SYT4: variants seen among roughly 807,000 people sequenced by gnomAD.
The protein encoded by SYT4 is synaptotagmin 4.
A neutral mutation model predicts 32.9 loss-of-function variants in SYT4; 7 were observed. The ratio of observed to expected loss-of-function variants is 0.21; its 90% CI spans 0.12 to 0.40. SYT4 has a LOEUF of 0.40. Ranked by LOEUF, SYT4 falls within the 10% of genes least tolerant of loss-of-function variation. The pLI, the probability that SYT4 is intolerant of heterozygous loss-of-function variation, is 1.00. For synonymous variants in SYT4, 205 were observed against 186.2 expected (o/e 1.10, Z -0.82); for missense variants, 480 against 488.0 (o/e 0.98, Z 0.16).
intron 3 of SYT4, 45 bp from the exon 4 acceptor site, chr18:43,270,693 G>C: frequency 6.3e-7 from 1 of 1,593,788 alleles, no homozygotes; most frequent in Non-Finnish European, 8.6e-7. Flanking sequence ...AACTGGGCTG[G>C]AGAGCTGATA....
chr18:43,273,939 T>G lies in SYT4; in HGVS notation c.490A>C (p.Asn164His), dbSNP rs768986710. The change falls in exon 2 of 4, where the codon AAC (asparagine) becomes CAC (histidine). Residue 164 changes from asparagine (N) to histidine (H), a missense_variant. Transcript: ENST00000255224. ...ACCACAAATGCTTTTCTCTCGAAGT[T>G]GTATTCTAAGGAGAAGAAGAGAGTT... ...LGTLFFSLEYNFERKAFVVNI... is the reference protein window; with the variant it reads ...LGTLFFSLEYHFERKAFVVNI... 1 of 1,614,018 alleles carries G rather than the reference T, an allele frequency of 6.2e-7. No homozygotes were observed. Among genetic ancestry groups the G allele is most frequent in the Non-Finnish European group, 8.5e-7 (1 of 1,179,942 alleles).
chr18:43,270,382 T>C lies in SYT4; in HGVS notation c.1237A>G (p.Arg413Gly). ...ACGTGCCACTTGGCAATTTGTCTCC[T>C]GGGGTAGTCACAGATCTCTTTCCAG... ...EHWKEICDYP[R>G]RQIAKWHVLC... is the part of the protein sequence containing the mutation. The change falls in exon 4 of 4, where the codon AGG becomes GGG. Residue 413 changes from arginine (R) to glycine (G), a missense_variant. Transcript: ENST00000255224. 1 of 1,614,126 alleles carries C rather than the reference T, an allele frequency of 6.2e-7. No homozygotes were observed. Among genetic ancestry groups the C allele is most frequent in the South Asian group, 1.1e-5 (1 of 91,082 alleles).
At position 43,269,247 on chromosome 18, in the gene SYT4, T is replaced by C. The variant is rs927655785; in HGVS notation, c.*1094A>G. On this transcript the variant is annotated 3_prime_UTR_variant, in exon 4 of 4. Transcript: ENST00000255224. ...CCTAAGCATATTTTGCGTGAACATA[T>C]GTAAATTATATTAGAATTGCTCTTG... is the stretch of plus-strand genomic sequence containing the variant. 6.6e-6 allele frequency: 1 copy of C among 152,228 alleles called. No individual in the cohort carries two copies. The highest frequency in any genetic ancestry group is 2.4e-5 in the African/African-American group (1 of 41,472). The allele number at this position is 152,228 out of a possible 1,614,324, so 9.4% of individuals were successfully genotyped here. A position where few individuals can be genotyped will look rare whatever the true frequency, so the allele number is the denominator to read the frequency against.
intron 2 of SYT4, 22 bp downstream of exon 2, chr18:43,273,558 T>A (rs1908694885): frequency 6.5e-7 from 1 of 1,530,654 alleles, no homozygotes; most frequent in Non-Finnish European, 8.9e-7. Flanking sequence ...TATAAATACT[T>A]TAAGCACTGA....
rs981686727 is a variant in SYT4, at chr18:43,269,536, A to G, written c.*805T>C. On this transcript the variant is annotated 3_prime_UTR_variant, in exon 4 of 4. Coordinates refer to ENST00000255224, the MANE Select transcript of SYT4 (RefSeq NM_020783.4). ...AGTTTATTTCTTTATTCACTAACTA[A>G]TTCAACAATTTCACAAAGGTACATA... is the stretch of plus-strand genomic sequence containing the variant. 1 of 152,586 alleles carries G rather than the reference A, an allele frequency of 6.6e-6. No individual in the cohort carries two copies. Among genetic ancestry groups the G allele is most frequent in the African/African-American group, 2.4e-5 (1 of 41,444 alleles). 9.5% of individuals were successfully genotyped at this position (152,586 alleles called of 1,614,324 possible).
rs916021343 is a variant in SYT4, at chr18:43,269,151, A to G, written c.*1190T>C. The G allele has an allele frequency of 5.9e-5, 9 of 152,234 alleles. No individual in the cohort carries two copies. The highest frequency in any genetic ancestry group is 2.2e-4 in the African/African-American group (9 of 41,464). 9.4% of individuals were successfully genotyped at this position (152,234 alleles called of 1,614,324 possible). A position where few individuals can be genotyped will look rare whatever the true frequency, so the allele number is the denominator to read the frequency against. The stretch of plus-strand genomic sequence containing the variant: ...GACACAAGTCTGTAAACTGCTCTAT[A>G]GACAACAGCTCAAGACAAATTAGCC... On this transcript the variant is annotated 3_prime_UTR_variant, in exon 4 of 4. Coordinates refer to ENST00000255224, the MANE Select transcript of SYT4 (RefSeq NM_020783.4).
chr18:43,274,295 G>C lies in SYT4; in HGVS notation c.134C>G (p.Ser45Cys), dbSNP rs199938369. 2.5e-6 allele frequency: 4 copies of C among 1,613,718 alleles called. No individual in the cohort carries two copies. The highest frequency in any genetic ancestry group is 3.4e-6 in the Non-Finnish European group (4 of 1,179,906). ...WICCQRKSSK[S>C]NKTPPYKFVH... ...AAACTTGTATGGAGGAGTCTTGTTA[G>C]ACTTGGATGATTTTCTCTGACAGCA... is the stretch of plus-strand genomic sequence containing the variant. The change falls in exon 2 of 4, where the codon TCT (serine) becomes TGT (cysteine). Residue 45 changes from serine (S) to cysteine (C), a missense_variant. By Grantham distance (112) the Ser-to-Cys change is moderately radical. Transcript: ENST00000255224.
Position 43,270,248 on chromosome 18 carries a change from C to T in SYT4, c.*93G>A. 1 of 1,374,066 alleles carries T rather than the reference C, an allele frequency of 7.3e-7. No individual in the cohort carries two copies. The highest frequency in any genetic ancestry group is 9.9e-7 in the Non-Finnish European group (1 of 1,005,194). The allele number at this position is 1,374,066 out of a possible 1,614,324, so 85.1% of individuals were successfully genotyped here. Reference sequence around the variant, plus strand: ...AACAACAACAACAACAAAAAGGTAGCTTGATTTCCCAAGCTTGCAATCCAA... The same window carrying T: ...AACAACAACAACAACAAAAAGGTAGTTTGATTTCCCAAGCTTGCAATCCAA... On this transcript the variant is annotated 3_prime_UTR_variant, in exon 4 of 4. Transcript: ENST00000255224.
chr18:43,271,760 C>G lies in SYT4; in HGVS notation c.922G>C (p.Val308Leu). ...TTAGGCAGATGTCGAGCTTTTAAGA[C>G]AACCACAGTTAGAGTGTTTGTGGTG... ...QSTTNTLTVV[V>L]LKARHLPKSD... Residue 308 changes from valine to leucine, a missense_variant, in exon 3 of 4, where the codon GTC becomes CTC. Transcript: ENST00000255224. 1 of 1,613,198 alleles carries G rather than the reference C, an allele frequency of 6.2e-7. No homozygotes were observed. The highest frequency in any genetic ancestry group is 8.5e-7 in the Non-Finnish European group (1 of 1,179,332).
intron 1 of SYT4, 100 bp downstream of exon 1, chr18:43,277,148 A>AT: frequency 7.0e-7 from 1 of 1,436,696 alleles, no homozygotes; most frequent in South Asian, 1.3e-5. Flanking sequence ...ACTACCTAGG[A>AT]AATCTGTATT....
chr18:43,275,773 T>G (rs939262173), intron 1 of SYT4, among the ~76,000 whole-genome samples: 1 of 152,112 alleles, frequency 6.6e-6, no homozygotes, highest in East Asian at 1.9e-4. Flanking sequence ...GAAATAAACC[T>G]TTGACTTCTC....
Position 43,277,319 on chromosome 18 carries a change from A to G in SYT4, c.-38T>C, listed in dbSNP as rs1364396897. The G allele has an allele frequency of 6.2e-7, 1 of 1,613,580 alleles. No individual in the cohort carries two copies. Among genetic ancestry groups the G allele is most frequent in the Non-Finnish European group, 8.5e-7 (1 of 1,179,736 alleles). ...GTTCTGTCCGAGGTGCTGAAGGGAA[A>G]ACTGCCTGGCTGGATTCACTTGCCT... On this transcript the variant is annotated 5_prime_UTR_variant, in exon 1 of 4. Coordinates refer to ENST00000255224, the MANE Select transcript of SYT4 (RefSeq NM_020783.4).
intron 2 of SYT4, 119 bp downstream of exon 2, chr18:43,273,461 T>C (rs1908691589): frequency 1.6e-6 from 1 of 644,408 alleles, no homozygotes; most frequent in Non-Finnish European, 2.6e-6. Context: ...TAATTAATAA[T>C]AATTAAACAT....
rs1908513263 is a variant in SYT4, at chr18:43,268,206, A to C, written c.*2135T>G. ...ATACATTCTAAAACAGTACATTTTCAGAAATGATGAAATTAGGTATTAAGA... is the reference window on the plus strand; with the variant it reads ...ATACATTCTAAAACAGTACATTTTCCGAAATGATGAAATTAGGTATTAAGA... On this transcript the variant is annotated 3_prime_UTR_variant, in exon 4 of 4. Coordinates refer to ENST00000255224, the MANE Select transcript of SYT4 (RefSeq NM_020783.4). 6.6e-6 allele frequency: 1 copy of C among 152,658 alleles called. No individual in the cohort carries two copies. Among genetic ancestry groups the C allele is most frequent in the Non-Finnish European group, 1.5e-5 (1 of 68,036 alleles). 9.5% of individuals were successfully genotyped at this position (152,658 alleles called of 1,614,324 possible).
Position 43,273,640 on chromosome 18 carries a change from T to G in SYT4, c.789A>C (p.Gly263=). 1 of 1,613,818 alleles carries G rather than the reference T, an allele frequency of 6.2e-7. No individual in the cohort carries two copies. ...ACATTTTTCCTTCAGATAATTCAAT[T>G]CCCGAGAGAGGAATTAGAACTTCCC... is the stretch of plus-strand genomic sequence containing the variant. ...IIGEVLIPLS[G]IELSEGKMLM... is the part of the protein sequence containing the mutation. Residue 263 remains glycine (G), a synonymous_variant, in exon 2 of 4, where the codon GGA becomes GGC. Coordinates refer to ENST00000255224, the MANE Select transcript of SYT4 (RefSeq NM_020783.4).
Position 43,273,667 on chromosome 18 carries a change from A to G in SYT4, c.762T>C (p.Ile254=), listed in dbSNP as rs1208252661. 1 of 1,613,918 alleles carries G rather than the reference A, an allele frequency of 6.2e-7. No individual in the cohort carries two copies. Among genetic ancestry groups the G allele is most frequent in the Admixed American group, 1.7e-5 (1 of 60,014 alleles). Residue 254 remains isoleucine, a synonymous_variant, in exon 2 of 4, where the codon ATT becomes ATC. Transcript: ENST00000255224. ...SFDRFSRDDI[I]GEVLIPLSGI... ...CCGAGAGAGGAATTAGAACTTCCCC[A>G]ATGATATCATCTCTTGAAAACCTGT...
At chr18:43,276,515 C>T (rs1908798207) in intron 1 of SYT4, among the ~76,000 whole-genome samples, 1 of 152,054 alleles carries the variant, frequency 6.6e-6, no homozygotes, top group Admixed American at 6.6e-5. Flanking sequence ...TGTACTGAAA[C>T]CAAAAACTTG....
Position 43,274,742 on chromosome 18 carries a change from G to A in SYT4, c.35-348C>T, listed in dbSNP as rs1472429749. On this transcript the variant is annotated intron_variant, in intron 1 of 3. Transcript: ENST00000255224. ...GAGACAGCTACAATATGATGGATCA[G>A]TACTAACTTCATTATTTTTTATTGT... Among the ~76,000 whole-genome samples the A allele has an allele frequency of 2.0e-5, 3 of 152,088 alleles. No individual in the cohort carries two copies. In the East Asian group the frequency reaches 5.8e-4, roughly 29 times the overall value.
At chr18:43,270,961 A>C (rs1214208481) in intron 3 of SYT4, among the ~76,000 whole-genome samples, 1 of 152,108 alleles carries the variant, frequency 6.6e-6, no homozygotes, top group Non-Finnish European at 1.5e-5. Flanking sequence ...ATTACTATTA[A>C]CTTACTCCAG....
Sources: allele counts gnomAD v4.1 joint callset (sites outside exome capture counted in the v4.1 genomes callset), GRCh38; gene constraint gnomAD v4.1.1; transcripts MANE v1.5; gene names NCBI Gene and HGNC (gene_info 2026-07-23, HGNC 2026-07-21).